The following UACA variants were observed in gnomAD, a reference collection of about 807,000 sequenced individuals.
The protein encoded by UACA is nuclear membrane binding protein.
UACA carries 112 observed loss-of-function variants against 160.5 expected under a neutral mutation model. That is an observed-to-expected ratio of 0.70 (90% confidence interval 0.60 to 0.82). The LOEUF (loss-of-function observed/expected upper bound fraction) is 0.82. Among genes scored for constraint, UACA ranks in the 40% least tolerant of loss-of-function variants. UACA has a pLI of 0.00. For missense variants in UACA, 1,574 were observed against 1,614.6 expected, an observed-to-expected ratio of 0.97 and a Z score of 0.43; for synonymous variants, 557 against 568.4, an observed-to-expected ratio of 0.98 and a Z score of 0.29.
At chr15:70,737,664 C>T (rs940928176) in intron 1 of UACA, among the ~76,000 whole-genome samples, 1 of 151,962 alleles carries the variant, frequency 6.6e-6, no homozygotes, top group Non-Finnish European at 1.5e-5. Context: ...GCTGAGATCG[C>T]GCCACTGTAC....
intron 13 of UACA, among the ~76,000 whole-genome samples, chr15:70,674,751 C>T (rs966394935): frequency 2.0e-5 from 3 of 152,150 alleles, no homozygotes; most frequent in Admixed American, 1.3e-4. Context: ...GCATGTGCCA[C>T]CACGCCCTGC....
rs746608966 is a variant in UACA, at chr15:70,687,831, C to T, written c.425-11G>A. 5 of 1,612,940 alleles carry T rather than the reference C, an allele frequency of 3.1e-6. No individual in the cohort carries two copies. Among genetic ancestry groups the T allele is most frequent in the Non-Finnish European group, 3.4e-6 (4 of 1,179,334 alleles). On this transcript the variant is annotated splice_polypyrimidine_tract_variant and intron_variant, in intron 5 of 18. Transcript: ENST00000322954. ...GACAATCTGCCATTGCTTTAAGGAA[C>T]AAAAGAAAATGATAAATGGTGAACA...
rs147620430 is a variant in UACA at position 70,677,291 on chromosome 15, T to C, written c.1000-151A>G. On this transcript the variant is annotated intron_variant, in intron 11 of 18. Transcript: ENST00000322954. Reference sequence around the variant, plus strand: ...GAAAATTATGTACAATTCTGTTGTATGAGTTGTCATTCATTCTTCTCACTA... The same window carrying C: ...GAAAATTATGTACAATTCTGTTGTACGAGTTGTCATTCATTCTTCTCACTA... 171 of 562,276 alleles carry C rather than the reference T, an allele frequency of 3.0e-4. 2 individuals are homozygous for C. The highest frequency in any genetic ancestry group is 4.7e-4 in the Non-Finnish European group (151 of 319,206). The allele number at this position is 562,276 out of a possible 1,614,324, so 34.8% of individuals were successfully genotyped here. A position where few individuals can be genotyped will look rare whatever the true frequency, so the allele number is the denominator to read the frequency against.
intron 16 of UACA, among the ~76,000 whole-genome samples, chr15:70,665,679 A>T (rs1010789219): frequency 2.6e-5 from 4 of 152,222 alleles, no homozygotes; most frequent in Non-Finnish European, 1.5e-5. Context: ...AGTAGATATT[A>T]ATAATTAACT....
chr15:70,668,781 T>G lies in UACA; in HGVS notation c.1903A>C (p.Met635Leu), dbSNP rs1409364953. 1.2e-6 allele frequency: 2 copies of G among 1,613,906 alleles called. No individual in the cohort carries two copies. The highest frequency in any genetic ancestry group is 1.7e-6 in the Non-Finnish European group (2 of 1,180,038). The stretch of plus-strand genomic sequence containing the variant: ...ACTTCATTTGATAATGAGCTCTTCA[T>G]GTTTTCAAATTTTTCAGCTGGAATG... ...LSIPAEKFEN[M>L]KSSLSNEVNE... Residue 635 changes from methionine to leucine, a missense_variant, in exon 16 of 19, where the codon ATG (methionine) becomes CTG (leucine). Met to Leu is a conservative substitution (Grantham distance 15). Coordinates refer to ENST00000322954, the MANE Select transcript of UACA (RefSeq NM_018003.4).
chr15:70,675,136 CCTCT>C, intron 13 of UACA, among the ~76,000 whole-genome samples: 1 of 152,188 alleles, frequency 6.6e-6, no homozygotes, highest in South Asian at 2.1e-4. Context: ...CATGGGTAAA[CCTCT>C]CTGTGCCTCA....
the UACA span, among the ~76,000 whole-genome samples, chr15:70,772,721 G>A: frequency 6.6e-6 from 1 of 152,152 alleles, no homozygotes; most frequent in Non-Finnish European, 1.5e-5. Context: ...GTAATTTAAA[G>A]CCATGAGGCC....
intron 1 of UACA, among the ~76,000 whole-genome samples, chr15:70,715,169 A>C (rs1430212400): frequency 6.6e-6 from 1 of 152,214 alleles, no homozygotes; most frequent in Non-Finnish European, 1.5e-5. Flanking sequence ...AAAATTTTTT[A>C]AATATAAAGC....
intron 7 of UACA, among the ~76,000 whole-genome samples, chr15:70,685,843 C>T (rs1490124679): frequency 2.0e-5 from 3 of 151,868 alleles, no homozygotes; most frequent in Non-Finnish European, 2.9e-5. Flanking sequence ...GGCATGATCT[C>T]AGCTCACTGC....
intron 13 of UACA, among the ~76,000 whole-genome samples, chr15:70,674,672 A>C (rs1897253637): frequency 1.3e-5 from 2 of 152,022 alleles, no homozygotes; most frequent in Admixed American, 1.3e-4. Flanking sequence ...GATCTCACTC[A>C]TTGCAACCTC....
At chr15:70,701,662 T>G in intron 1 of UACA, among the ~76,000 whole-genome samples, 1 of 152,336 alleles carries the variant, frequency 6.6e-6, no homozygotes, top group South Asian at 2.1e-4. Context: ...ACAGTAACAC[T>G]GTACAATTAT....
intron 1 of UACA, among the ~76,000 whole-genome samples, chr15:70,727,223 C>T (rs1185479396): frequency 2.0e-5 from 3 of 152,158 alleles, no homozygotes; most frequent in Non-Finnish European, 2.9e-5. Flanking sequence ...GGAAAACCTC[C>T]TTCCGCCCAT....
At chr15:70,696,427 T>A (rs925961344) in intron 2 of UACA, among the ~76,000 whole-genome samples, 1 of 152,168 alleles carries the variant, frequency 6.6e-6, no homozygotes, top group African/African-American at 2.4e-5. Flanking sequence ...AATATTTGAA[T>A]AACTGCATGC....
In UACA at chr15:70,705,005, T is replaced by C. The variant is rs79118491; in HGVS notation, c.79-5345A>G. The stretch of plus-strand genomic sequence containing the variant: ...GGCGTTTGTCGTATTTGAATACAGT[T>C]TGAACACTCAGCAGTGTATGAGTGG... On this transcript the variant is annotated intron_variant, in intron 1 of 18. Transcript: ENST00000322954. 2.9e-3 allele frequency among the ~76,000 whole-genome samples: 440 copies of C among 152,200 alleles called. 3 individuals carry two copies. Among genetic ancestry groups the C allele is most frequent in the African/African-American group, 0.01 (422 of 41,550 alleles).
intron 1 of UACA, among the ~76,000 whole-genome samples, chr15:70,708,185 T>C (rs956535173): frequency 6.6e-6 from 1 of 152,050 alleles, no homozygotes; most frequent in Non-Finnish European, 1.5e-5. Flanking sequence ...AAAAGACAAA[T>C]ACTGTATGAT....
At chr15:70,758,348 G>C (rs1302303268) in intron 1 of UACA, 1 of 152,198 alleles carries the variant, frequency 6.6e-6, no homozygotes, top group African/African-American at 2.4e-5. Context: ...ATAGGAAGTT[G>C]TCTGAATACA....
At position 70,663,800 on chromosome 15, in the gene UACA, A is replaced by G. The variant is rs1030430518; in HGVS notation, c.4113+862T>C. On this transcript the variant is annotated intron_variant, in intron 17 of 18. Coordinates refer to ENST00000322954, the MANE Select transcript of UACA (RefSeq NM_018003.4). ...AACCAAACACTGCATGTTCTCACTC[A>G]TAGGTGGGAACTGAACAGTGAGAAC... 2.1e-5 allele frequency among the ~76,000 whole-genome samples: 3 copies of G among 144,848 alleles called. No individual in the cohort carries two copies. In the East Asian group the frequency reaches 6.3e-4, roughly 31 times the overall value.
Position 70,680,803 on chromosome 15 carries a change from G to A in UACA, c.823-1127C>T, listed in dbSNP as rs941049287. 3.3e-5 allele frequency among the ~76,000 whole-genome samples: 5 copies of A among 152,260 alleles called. 1 individual carries two copies. The South Asian group carries it at 8.3e-4, about 25-fold the overall frequency. On this transcript the variant is annotated intron_variant, in intron 9 of 18. Coordinates refer to ENST00000322954, the MANE Select transcript of UACA (RefSeq NM_018003.4). ...TAAAAGAACCTCTCTTGCACCTCTG[G>A]CTCCACTTAGCAGCGATCTGATCAC... is the stretch of plus-strand genomic sequence containing the variant.
At chr15:70,737,543 T>C (rs1899406696) in intron 1 of UACA, among the ~76,000 whole-genome samples, 1 of 151,906 alleles carries the variant, frequency 6.6e-6, no homozygotes, top group Non-Finnish European at 1.5e-5. Context: ...CCCATCTCTA[T>C]TAAAAATACA....
Sources: allele counts gnomAD v4.1 joint callset (sites outside exome capture counted in the v4.1 genomes callset), GRCh38; gene constraint gnomAD v4.1.1; transcripts MANE v1.5; gene names NCBI Gene and HGNC (gene_info 2026-07-23, HGNC 2026-07-21).